Variants in SPATA16 observed in about 807,000 individuals in gnomAD.
The protein encoded by SPATA16 is spermatogenesis-associated protein 16.
SPATA16 carries 36 observed loss-of-function variants against 63.3 expected under a neutral mutation model. The ratio of observed to expected loss-of-function variants is 0.57; its 90% confidence interval spans 0.44 to 0.75. The LOEUF (loss-of-function observed/expected upper bound fraction) is 0.75. SPATA16 is among the 30% of genes least tolerant of loss of function. The probability of loss-of-function intolerance (pLI) is 0.00; values close to 1 mark genes in which losing one functional copy is unlikely to be tolerated. For synonymous variants in SPATA16, 203 were observed against 216.7 expected, an observed-to-expected ratio of 0.94 and a Z score of 0.56; for missense variants, 646 against 679.3, an observed-to-expected ratio of 0.95 and a Z score of 0.54.
chr3:173,026,504 CTT>C (rs1287799064), intron 3 of SPATA16, among the ~76,000 whole-genome samples: 1 of 151,792 alleles, frequency 6.6e-6, no homozygotes, highest in African/African-American at 2.4e-5. Context: ...TTTAAGAAAA[CTT>C]TGCTTAATCC....
intron 3 of SPATA16, 84 bp downstream of exon 3, chr3:173,048,865 A>T: frequency 6.6e-7 from 1 of 1,504,940 alleles, no homozygotes; most frequent in Non-Finnish European, 9.2e-7. Flanking sequence ...TTGAAATAAG[A>T]TGGAAGGTGA....
chr3:173,044,802 A>T (rs527562113), intron 3 of SPATA16, among the ~76,000 whole-genome samples: 2 of 152,232 alleles, frequency 1.3e-5, no homozygotes, highest in East Asian at 3.9e-4. Flanking sequence ...CTGTGAGAGA[A>T]TGCAATGGCA....
chr3:173,064,005 C>T (rs868662279), intron 2 of SPATA16, among the ~76,000 whole-genome samples: 5 of 152,084 alleles, frequency 3.3e-5, no homozygotes, highest in Admixed American at 6.5e-5. Context: ...AGGAAGGTGA[C>T]ATACAGAAGA....
At chr3:173,043,461 A>G (rs1181064803) in intron 3 of SPATA16, among the ~76,000 whole-genome samples, 1 of 151,964 alleles carries the variant, frequency 6.6e-6, no homozygotes, top group Non-Finnish European at 1.5e-5. Flanking sequence ...GTAGTCAAAT[A>G]TTTTACATTG....
chr3:173,021,813 T>G (rs947924680), intron 3 of SPATA16, among the ~76,000 whole-genome samples: 1 of 152,060 alleles, frequency 6.6e-6, no homozygotes, highest in African/African-American at 2.4e-5. Flanking sequence ...CTTTATTCAC[T>G]TATTCACTCA....
intron 10 of SPATA16, among the ~76,000 whole-genome samples, chr3:172,898,520 CTTA>C (rs1479873896): frequency 1.3e-5 from 2 of 151,852 alleles, no homozygotes; most frequent in Non-Finnish European, 1.5e-5. Context: ...CTAAGATTCT[CTTA>C]TTATCCTTTT....
chr3:172,989,710 G>A (rs1014774242), intron 4 of SPATA16, among the ~76,000 whole-genome samples: 3 of 152,180 alleles, frequency 2.0e-5, no homozygotes, highest in African/African-American at 7.2e-5. Context: ...CACTCAGTAA[G>A]TGGTAGCTTC....
At chr3:173,108,937 A>G (rs1360377170) in intron 2 of SPATA16, among the ~76,000 whole-genome samples, 2 of 152,186 alleles carry the variant, frequency 1.3e-5, no homozygotes, top group African/African-American at 4.8e-5. Context: ...GTGTTTGCAC[A>G]ATGACAAAAT....
At chr3:173,067,802 T>C (rs537144965) in intron 2 of SPATA16, among the ~76,000 whole-genome samples, 1 of 152,046 alleles carries the variant, frequency 6.6e-6, no homozygotes, top group South Asian at 2.1e-4. Flanking sequence ...AATAAGACTA[T>C]GGTATATAGT....
At chr3:173,123,172 T>C (rs779080635) in intron 1 of SPATA16, among the ~76,000 whole-genome samples, 2 of 152,254 alleles carry the variant, frequency 1.3e-5, no homozygotes. Flanking sequence ...TCCAGTGTTA[T>C]ATACATAATA....
chr3:173,051,748 T>C (rs796383829), intron 2 of SPATA16, among the ~76,000 whole-genome samples: 35 of 152,324 alleles, frequency 2.3e-4, no homozygotes, highest in African/African-American at 8.2e-4. Context: ...GTATGTGGTC[T>C]TTGCCCCTTC....
intron 2 of SPATA16, among the ~76,000 whole-genome samples, chr3:173,068,541 G>C (rs543393256): frequency 6.6e-6 from 1 of 151,992 alleles, no homozygotes; most frequent in Non-Finnish European, 1.5e-5. Flanking sequence ...TACTACCAGA[G>C]ACAAACAATA....
chr3:173,062,463 T>G (rs559408744), intron 2 of SPATA16, among the ~76,000 whole-genome samples: 29 of 152,386 alleles, frequency 1.9e-4, no homozygotes, highest in African/African-American at 7.0e-4. Flanking sequence ...GCTGACTATG[T>G]AATTAGCATT....
At chr3:172,912,127 G>A (rs1176757187) in intron 10 of SPATA16, among the ~76,000 whole-genome samples, 1 of 152,102 alleles carries the variant, frequency 6.6e-6, no homozygotes, top group Non-Finnish European at 1.5e-5. Context: ...ACTTCAGTAC[G>A]AAGTGGTCCC....
chr3:173,026,072 C>T (rs993741080), intron 3 of SPATA16, among the ~76,000 whole-genome samples: 3 of 151,914 alleles, frequency 2.0e-5, no homozygotes, highest in African/African-American at 4.8e-5. Flanking sequence ...TTTGCATCGT[C>T]GCCAGAACTG....
At chr3:173,074,825 C>T (rs529189835) in intron 2 of SPATA16, among the ~76,000 whole-genome samples, 6 of 151,708 alleles carry the variant, frequency 4.0e-5, no homozygotes, top group African/African-American at 1.2e-4. Context: ...TGGTGAAATC[C>T]TGTCTCTACT....
intron 8 of SPATA16, among the ~76,000 whole-genome samples, chr3:172,921,059 C>CTTTTTTTTTTTTTTTTTTTTTTTTTTTT (rs1207872341): frequency 7.3e-6 from 1 of 137,296 alleles, no homozygotes; most frequent in African/African-American, 2.6e-5. Flanking sequence ...TTGTTTTTGT[C>CTTTTTTTTTTTTTTTTTTTTTTTTTTTT]TTTTTTTTTT....
intron 2 of SPATA16, among the ~76,000 whole-genome samples, chr3:173,068,193 ATACTC>A (rs777178300): frequency 1.3e-5 from 2 of 152,246 alleles, no homozygotes; most frequent in Non-Finnish European, 2.9e-5. Context: ...AACAAACAGA[ATACTC>A]TAACACTGTA....
Position 172,964,343 on chromosome 3 carries a change from A to G in SPATA16, c.934-7519T>C, listed in dbSNP as rs1049560722. Among the ~76,000 whole-genome samples the G allele has an allele frequency of 5.3e-5, 8 of 152,354 alleles. 1 individual carries two copies. The highest frequency in any genetic ancestry group is 3.3e-4 in the Admixed American group (5 of 15,300). On this transcript the variant is annotated intron_variant, in intron 5 of 10. Coordinates refer to ENST00000351008, the MANE Select transcript of SPATA16 (RefSeq NM_031955.6). ...AGAACTTAAAGTATGTTCTTGTTCT[A>G]TAGACCCTGAATAATTTTCTGCTTG... is the stretch of plus-strand genomic sequence containing the variant.
Sources: gnomAD v4.1 joint callset for allele counts (sites outside exome capture counted in the v4.1 genomes callset) on GRCh38, gnomAD v4.1.1 for gene constraint, MANE v1.5 for transcripts, NCBI Gene and HGNC (gene_info 2026-07-23, HGNC 2026-07-21) for gene names.